The following HMBOX1 variants were observed in gnomAD, a reference collection of about 807,000 sequenced individuals.
HMBOX1 encodes homeobox containing 1, also known as homeobox-containing protein 1.
In HMBOX1, 14 loss-of-function variants were observed where a neutral mutation model predicts 54.5. The ratio of observed to expected loss-of-function variants is 0.26; its 90% CI spans 0.17 to 0.40. The LOEUF (loss-of-function observed/expected upper bound fraction) is 0.40. HMBOX1 is among the 10% of genes least tolerant of loss of function. The probability of loss-of-function intolerance (pLI) is 1.00; values close to 1 mark genes in which losing one functional copy is unlikely to be tolerated. For missense variants in HMBOX1, 332 were observed against 514.4 expected, an observed-to-expected ratio of 0.65 and a Z score of 3.43; for synonymous variants, 160 against 181.0, an observed-to-expected ratio of 0.88 and a Z score of 0.93.
Position 28,890,617 on chromosome 8 carries a change from T to C in HMBOX1, c.-119T>C, listed in dbSNP as rs1810698568. On this transcript the variant is annotated 5_prime_UTR_variant, in exon 1 of 10. Coordinates refer to ENST00000287701, the MANE Select transcript of HMBOX1 (RefSeq NM_001135726.3). ...CTTCCCTCCTCCCTATCTCAGCCCT[T>C]CGTACTGGGACGTTGGGGAGGGGGC... 1 of 152,836 alleles carries C rather than the reference T, an allele frequency of 6.5e-6. No individual in the cohort carries two copies. The highest frequency in any genetic ancestry group is 6.5e-5 in the Admixed American group (1 of 15,288). 9.5% of individuals were successfully genotyped at this position (152,836 alleles called of 1,614,324 possible). A position where few individuals can be genotyped will look rare whatever the true frequency, so the allele number is the denominator to read the frequency against.
At chr8:29,004,953 C>T (rs1293169126) in intron 4 of HMBOX1, among the ~76,000 whole-genome samples, 1 of 152,066 alleles carries the variant, frequency 6.6e-6, no homozygotes, top group East Asian at 1.9e-4. Context: ...TAAAACGTGT[C>T]CTTTTATGCT....
chr8:28,994,995 C>T (rs974591987), intron 4 of HMBOX1, among the ~76,000 whole-genome samples: 1 of 152,014 alleles, frequency 6.6e-6, no homozygotes, highest in African/African-American at 2.4e-5. Context: ...CCAGCAAAGA[C>T]AATAAAATAA....
intron 1 of HMBOX1, among the ~76,000 whole-genome samples, chr8:28,896,826 T>C (rs1043766944): frequency 6.6e-6 from 1 of 152,160 alleles, no homozygotes; most frequent in African/African-American, 2.4e-5. Flanking sequence ...TCAGAGTGTA[T>C]CTCTGTCATT....
At chr8:28,951,705 G>A (rs977053958) in intron 1 of HMBOX1, among the ~76,000 whole-genome samples, 2 of 152,204 alleles carry the variant, frequency 1.3e-5, no homozygotes, top group Non-Finnish European at 2.9e-5. Flanking sequence ...AAATGACGTG[G>A]TGAAGAGAGA....
intron 1 of HMBOX1, among the ~76,000 whole-genome samples, chr8:28,933,687 T>C (rs997789870): frequency 6.6e-6 from 1 of 152,190 alleles, no homozygotes; most frequent in African/African-American, 2.4e-5. Context: ...TCCTGTAAAT[T>C]TGACAACTTT....
intron 3 of HMBOX1, among the ~76,000 whole-genome samples, chr8:28,973,709 T>C (rs1827828921): frequency 6.6e-6 from 1 of 151,920 alleles, no homozygotes; most frequent in South Asian, 2.1e-4. Context: ...CTTGTTCACA[T>C]TCCTCAACTC....
chr8:29,034,043 G>T (rs1563621797), intron 6 of HMBOX1, among the ~76,000 whole-genome samples: 1 of 152,188 alleles, frequency 6.6e-6, no homozygotes, highest in Non-Finnish European at 1.5e-5. Context: ...GACAAATGTG[G>T]TTCTGGCCTT....
chr8:28,924,464 T>TG (rs1158494568), intron 1 of HMBOX1, among the ~76,000 whole-genome samples: 1 of 151,162 alleles, frequency 6.6e-6, no homozygotes, highest in African/African-American at 2.4e-5. Flanking sequence ...TTTTTTTTTT[T>TG]TTTTTGGTTA....
At chr8:28,928,262 G>A (rs537328125) in intron 1 of HMBOX1, among the ~76,000 whole-genome samples, 3 of 152,132 alleles carry the variant, frequency 2.0e-5, no homozygotes, top group Admixed American at 2.0e-4. Flanking sequence ...TACCTCTTGA[G>A]CTAATATCTG....
intron 1 of HMBOX1, among the ~76,000 whole-genome samples, chr8:28,943,777 C>G (rs1821893667): frequency 6.6e-6 from 1 of 152,206 alleles, no homozygotes; most frequent in Non-Finnish European, 1.5e-5. Flanking sequence ...GGGGTTACCA[C>G]TGTCACTCTG....
At chr8:28,930,418 G>A (rs1465239504) in intron 1 of HMBOX1, among the ~76,000 whole-genome samples, 7 of 152,140 alleles carry the variant, frequency 4.6e-5, no homozygotes, top group African/African-American at 1.7e-4. Flanking sequence ...TCTAATGATG[G>A]AGTATTCCAT....
chr8:28,939,864 TG>T (rs1279906034), intron 1 of HMBOX1, among the ~76,000 whole-genome samples: 2 of 152,238 alleles, frequency 1.3e-5, no homozygotes, highest in Non-Finnish European at 2.9e-5. Flanking sequence ...TGCAGTAAGT[TG>T]GGGATCAGGC....
intron 6 of HMBOX1, among the ~76,000 whole-genome samples, chr8:29,033,918 T>G (rs1803422425): frequency 6.6e-6 from 1 of 152,184 alleles, no homozygotes; most frequent in Non-Finnish European, 1.5e-5. Flanking sequence ...ATAGACGAAT[T>G]GGAAAATCTT....
intron 1 of HMBOX1, among the ~76,000 whole-genome samples, chr8:28,899,395 A>G (rs547819528): frequency 1.6e-4 from 25 of 152,340 alleles, no homozygotes; most frequent in African/African-American, 5.1e-4. Context: ...AACTCATTTC[A>G]TCACTACTCT....
intron 3 of HMBOX1, among the ~76,000 whole-genome samples, chr8:28,979,547 C>G (rs1829002070): frequency 6.6e-6 from 1 of 152,184 alleles, no homozygotes; most frequent in Non-Finnish European, 1.5e-5. Context: ...AGCCTTTCTT[C>G]AAATGGCTAA....
chr8:28,937,689 G>A (rs1395548850), intron 1 of HMBOX1, among the ~76,000 whole-genome samples: 2 of 152,136 alleles, frequency 1.3e-5, no homozygotes, highest in Non-Finnish European at 2.9e-5. Context: ...GAGTCCCCCT[G>A]TGTTAGAAAA....
chr8:28,935,224 C>A (rs1820186103), intron 1 of HMBOX1, among the ~76,000 whole-genome samples: 1 of 152,128 alleles, frequency 6.6e-6, no homozygotes, highest in South Asian at 2.1e-4. Flanking sequence ...TGAACCCGAT[C>A]TCAATCAAAT....
At chr8:28,997,774 C>A (rs1454145596) in intron 4 of HMBOX1, among the ~76,000 whole-genome samples, 1 of 152,130 alleles carries the variant, frequency 6.6e-6, no homozygotes, top group African/African-American at 2.4e-5. Flanking sequence ...TGGTCTTGAA[C>A]TCCTAGCCTC....
At chr8:28,982,116 C>T (rs1563520058) in intron 4 of HMBOX1, among the ~76,000 whole-genome samples, 1 of 152,112 alleles carries the variant, frequency 6.6e-6, no homozygotes, top group East Asian at 1.9e-4. Context: ...GCCTGTAGTC[C>T]CAGCTACTCG....
Sources: allele counts gnomAD v4.1 joint callset (sites outside exome capture counted in the v4.1 genomes callset), GRCh38; gene constraint gnomAD v4.1.1; transcripts MANE v1.5; gene names NCBI Gene and HGNC (gene_info 2026-07-23, HGNC 2026-07-21).